Variants in NRG1 observed in about 807,000 individuals in gnomAD.
The protein encoded by NRG1 is neuregulin 1.
A neutral mutation model predicts 63.8 loss-of-function variants in NRG1; 18 were observed. The ratio of observed to expected loss-of-function variants is 0.28; its 90% CI spans 0.19 to 0.42. The LOEUF is 0.42. Among genes scored for constraint, NRG1 ranks in the 10% least tolerant of loss-of-function variants. NRG1 has a pLI of 1.00. For synonymous variants in NRG1, 302 were observed against 301.3 expected (o/e 1.00, Z -0.02); for missense variants, 762 against 814.7 (o/e 0.94, Z 0.79).
chr8:31,789,578 G>T (rs928274667), intron 1 of NRG1, among the ~76,000 whole-genome samples: 1 of 152,172 alleles, frequency 6.6e-6, no homozygotes, highest in African/African-American at 2.4e-5. Flanking sequence ...ATAGAAGGAA[G>T]AATCCTCACT....
At chr8:32,707,903 C>T (rs1483935900) in intron 5 of NRG1, among the ~76,000 whole-genome samples, 2 of 150,012 alleles carry the variant, frequency 1.3e-5, no homozygotes, top group Admixed American at 6.7e-5. Context: ...TCTCTTTCTC[C>T]CTGGCCTCAT....
chr8:31,961,920 A>G (rs1322739627), intron 1 of NRG1, among the ~76,000 whole-genome samples: 2 of 152,184 alleles, frequency 1.3e-5, no homozygotes, highest in Non-Finnish European at 2.9e-5. Flanking sequence ...CACTACTAGT[A>G]GATTATGTTT....
At chr8:31,843,473 G>C (rs16878339) in intron 1 of NRG1, among the ~76,000 whole-genome samples, 1 of 152,052 alleles carries the variant, frequency 6.6e-6, no homozygotes, top group Non-Finnish European at 1.5e-5. Context: ...CTCCTATAAG[G>C]CTGTCTTTTA....
At chr8:32,136,825 C>A (rs1835590969) in intron 1 of NRG1, 1 of 152,060 alleles carries the variant, frequency 6.6e-6, no homozygotes, top group Admixed American at 6.6e-5. Context: ...TTGTCACAAC[C>A]AAAGTCTATA....
intron 1 of NRG1, among the ~76,000 whole-genome samples, chr8:32,053,343 G>GA (rs894499008): frequency 1.3e-5 from 2 of 152,122 alleles, no homozygotes; most frequent in South Asian, 4.1e-4. Context: ...GAGTGAATGA[G>GA]AAAATGAATA....
At chr8:32,666,098 A>C (rs1478825238) in intron 5 of NRG1, among the ~76,000 whole-genome samples, 2 of 152,320 alleles carry the variant, frequency 1.3e-5, no homozygotes, top group African/African-American at 4.8e-5. Flanking sequence ...ATTTGCACCC[A>C]GATTCCTTCA....
intron 1 of NRG1, among the ~76,000 whole-genome samples, chr8:31,813,197 A>C (rs56216937): frequency 0.23 from 34,942 of 152,180 alleles, 5,042 homozygotes; most frequent in East Asian, 0.69. Flanking sequence ...TCTAGTTCTT[A>C]AAATGTAAGA....
At chr8:31,918,638 A>C (rs1299287999) in intron 1 of NRG1, among the ~76,000 whole-genome samples, 2 of 152,108 alleles carry the variant, frequency 1.3e-5, no homozygotes, top group African/African-American at 4.8e-5. Flanking sequence ...ATCAATGTTC[A>C]TCAAGGATAT....
chr8:32,502,036 T>C (rs376140028), intron 1 of NRG1, among the ~76,000 whole-genome samples: 2 of 152,194 alleles, frequency 1.3e-5, no homozygotes, highest in African/African-American at 4.8e-5. Context: ...AATACACTAC[T>C]GTATTAGTCC....
chr8:32,548,704 T>A, exon 1 of NRG1: 1 of 1,562,886 alleles, frequency 6.4e-7, no homozygotes, highest in South Asian at 1.2e-5. Flanking sequence ...GCCGTCCGCG[T>A]AGAGCGCTCC....
Position 32,599,627 on chromosome 8 carries a change from A to G in NRG1, c.278+3622A>G, listed in dbSNP as rs1395080941. 2.6e-5 allele frequency among the ~76,000 whole-genome samples: 4 copies of G among 152,256 alleles called. No homozygotes were observed. The East Asian group carries it at 7.7e-4, about 29-fold the overall frequency. On this transcript the variant is annotated intron_variant, in intron 2 of 11. Coordinates refer to ENST00000356819, the Ensembl canonical transcript of NRG1. ...AAGAAATGGAAACTACCCTCATGTT[A>G]TATGTCTGCTTATGTCTTTGTTCTT...
intron 1 of NRG1, among the ~76,000 whole-genome samples, chr8:32,141,544 G>GTA (rs1260864263): frequency 1.8e-4 from 18 of 102,346 alleles, no homozygotes; most frequent in African/African-American, 3.9e-4. Flanking sequence ...GTGTGTGTGT[G>GTA]TATATATATA....
intron 1 of NRG1, among the ~76,000 whole-genome samples, chr8:32,129,302 G>A (rs552260796): frequency 1.5e-3 from 233 of 151,964 alleles, no homozygotes; most frequent in Admixed American, 5.7e-3. Flanking sequence ...AGAGGGTGGG[G>A]GTCTGAAATC....
intron 1 of NRG1, chr8:32,099,456 T>G (rs1164271541): frequency 1.3e-5 from 2 of 152,216 alleles, no homozygotes; most frequent in African/African-American, 4.8e-5. Context: ...TCTAAGGAAG[T>G]TGGTTTGAAT....
intron 1 of NRG1, among the ~76,000 whole-genome samples, chr8:32,187,576 T>A (rs1372567648): frequency 6.6e-6 from 1 of 152,136 alleles, no homozygotes; most frequent in East Asian, 1.9e-4. Flanking sequence ...CAAGGAGACA[T>A]GTCTGTGATT....
At chr8:32,252,355 T>C (rs1849212016) in intron 1 of NRG1, among the ~76,000 whole-genome samples, 1 of 152,216 alleles carries the variant, frequency 6.6e-6, no homozygotes, top group Non-Finnish European at 1.5e-5. Context: ...TTAATCCATC[T>C]TGAGTTAATT....
intron 1 of NRG1, among the ~76,000 whole-genome samples, chr8:31,996,581 T>A (rs1007984261): frequency 7.3e-5 from 11 of 151,458 alleles, no homozygotes; most frequent in South Asian, 6.2e-4. Context: ...AAAAATAATT[T>A]AAAAAAAATT....
intron 1 of NRG1, among the ~76,000 whole-genome samples, chr8:31,730,710 A>G (rs1813947051): frequency 6.6e-6 from 1 of 152,040 alleles, no homozygotes; most frequent in Non-Finnish European, 1.5e-5. Flanking sequence ...CTCAGAGCAA[A>G]CATGAAATCC....
In NRG1 at chr8:31,888,669, G is replaced by GTT. The variant is rs11436724; in HGVS notation, c.37+249246_37+249247dup. On this transcript the variant is annotated intron_variant, in intron 1 of 10. Transcript: ENST00000519301. The stretch of plus-strand genomic sequence containing the variant: ...GCAAACAGATAAACTTCCCAAATCT[G>GTT]TTTTTTTTTATGAAAAGGAAAACGA... Among the ~76,000 whole-genome samples, 235 of 150,402 alleles carry GTT rather than the reference G, an allele frequency of 1.6e-3. 1 individual carries two copies. The highest frequency in any genetic ancestry group is 4.5e-3 in the East Asian group (23 of 5,088).
Sources: gnomAD v4.1 joint callset for allele counts (sites outside exome capture counted in the v4.1 genomes callset) on GRCh38, gnomAD v4.1.1 for gene constraint, MANE v1.5 for transcripts, NCBI Gene and HGNC (gene_info 2026-07-23, HGNC 2026-07-21) for gene names.